Variants in FAT3 observed in about 807,000 individuals in gnomAD.
FAT3 encodes FAT atypical cadherin 3, also known as protocadherin Fat 3.
In FAT3, 95 loss-of-function variants were observed where a neutral mutation model predicts 310.2. The ratio of observed to expected loss-of-function variants is 0.31; its 90% CI spans 0.26 to 0.36. The LOEUF is 0.36. Among genes scored for constraint, FAT3 ranks in the 10% least tolerant of loss-of-function variants. The probability of loss-of-function intolerance (pLI) is 1.00; values close to 1 mark genes in which losing one functional copy is unlikely to be tolerated. For synonymous variants in FAT3, 2,314 were observed against 2,192.9 expected, an observed-to-expected ratio of 1.06 and a Z score of -1.54; for missense variants, 5,408 against 5,715.6, an observed-to-expected ratio of 0.95 and a Z score of 1.74.
At chr11:92,336,773 T>C (rs1198430868) in intron 1 of FAT3, among the ~76,000 whole-genome samples, 1 of 152,182 alleles carries the variant, frequency 6.6e-6, no homozygotes, top group Non-Finnish European at 1.5e-5. Context: ...CTTGATGGTC[T>C]GGTAGTGAAA....
chr11:92,251,308 C>A (rs942243446), intron 1 of FAT3, among the ~76,000 whole-genome samples: 2 of 152,090 alleles, frequency 1.3e-5, no homozygotes, highest in Non-Finnish European at 2.9e-5. Flanking sequence ...AGTGATAGAA[C>A]CTAAATGTGT....
chr11:92,373,661 G>A (rs572359590), intron 2 of FAT3, among the ~76,000 whole-genome samples: 39 of 152,020 alleles, frequency 2.6e-4, no homozygotes, highest in African/African-American at 8.9e-4. Context: ...TCTAGGCACT[G>A]AGTTAAAAGA....
At chr11:92,549,785 G>T (rs1203962204) in intron 3 of FAT3, among the ~76,000 whole-genome samples, 1 of 152,114 alleles carries the variant, frequency 6.6e-6, no homozygotes, top group Non-Finnish European at 1.5e-5. Context: ...AGGACCCAAG[G>T]CCAGATTCAT....
chr11:92,800,365 T>C lies in FAT3; in HGVS notation c.7352T>C (p.Ile2451Thr), dbSNP rs756948455. 1.9e-6 allele frequency: 3 copies of C among 1,613,998 alleles called. No homozygotes were observed. Among genetic ancestry groups the C allele is most frequent in the Non-Finnish European group, 2.5e-6 (3 of 1,179,876 alleles). The change falls in exon 10 of 28, where the codon ATC (isoleucine) becomes ACC (threonine). Residue 2451 changes from isoleucine to threonine, a missense_variant. Physicochemically the swap from Ile to Thr is moderately conservative, Grantham distance 89 (BLOSUM62 -1). This residue lies in a region of FAT3 where 4,588 missense variants were observed against 4,809.8 expected (regional missense o/e 0.95). Transcript: ENST00000525166. ...SFLMDSKSGV[I>T]TLSNHRKQRM... ...CTGATGGACAGCAAGAGTGGAGTTA[T>C]CACATTGTCCAACCATCGGAAGCAG...
At chr11:92,828,178 A>T (rs1371200210) in intron 13 of FAT3, among the ~76,000 whole-genome samples, 5 of 151,972 alleles carry the variant, frequency 3.3e-5, no homozygotes, top group Admixed American at 3.3e-4. Flanking sequence ...GATGGCATTT[A>T]TCAAATCCCT....
chr11:92,639,400 G>C (rs1941878066), intron 3 of FAT3, among the ~76,000 whole-genome samples: 1 of 152,122 alleles, frequency 6.6e-6, no homozygotes, highest in Non-Finnish European at 1.5e-5. Context: ...CCATAGTTCA[G>C]GGAGCATCAC....
intron 2 of FAT3, among the ~76,000 whole-genome samples, chr11:92,447,998 G>A (rs1351526744): frequency 6.6e-6 from 1 of 152,102 alleles, no homozygotes; most frequent in Non-Finnish European, 1.5e-5. Flanking sequence ...ACCTGGGAAA[G>A]GTGGCAGAGT....
intron 4 of FAT3, among the ~76,000 whole-genome samples, chr11:92,731,084 A>G (rs1166006436): frequency 2.0e-5 from 3 of 152,168 alleles, no homozygotes; most frequent in Non-Finnish European, 2.9e-5. Flanking sequence ...TTGTGGTGCT[A>G]TTAGAATGTC....
chr11:92,884,155 A>C (rs1226723140), intron 24 of FAT3, among the ~76,000 whole-genome samples: 2 of 152,176 alleles, frequency 1.3e-5, no homozygotes, highest in Non-Finnish European at 2.9e-5. Context: ...GGTGGGAAGG[A>C]GCTTGGTGTG....
chr11:92,496,243 C>T (rs889323175), intron 2 of FAT3, among the ~76,000 whole-genome samples: 2 of 151,932 alleles, frequency 1.3e-5, no homozygotes, highest in African/African-American at 4.8e-5. Flanking sequence ...AGATTTTGCT[C>T]AATTCTACCC....
intron 1 of FAT3, among the ~76,000 whole-genome samples, chr11:92,294,589 AAAGAGGACAGCCATC>A (rs1301228128): frequency 6.6e-6 from 1 of 152,036 alleles, no homozygotes; most frequent in African/African-American, 2.4e-5. Context: ...GTCATGCAGA[AAAGAGGACAGCCATC>A]AAGAGTTCAT....
intron 3 of FAT3, among the ~76,000 whole-genome samples, chr11:92,646,576 A>G (rs570748396): frequency 2.0e-5 from 3 of 152,330 alleles, no homozygotes; most frequent in East Asian, 1.9e-4. Flanking sequence ...CTCTAAAACA[A>G]TGTTTAAACA....
At chr11:92,540,462 A>G (rs530930428) in intron 3 of FAT3, among the ~76,000 whole-genome samples, 2 of 152,318 alleles carry the variant, frequency 1.3e-5, no homozygotes, top group South Asian at 4.1e-4. Context: ...ATTGTTGTAA[A>G]AAAGCTATTT....
chr11:92,558,830 G>A (rs1252858706), intron 3 of FAT3, among the ~76,000 whole-genome samples: 1 of 152,062 alleles, frequency 6.6e-6, no homozygotes, highest in African/African-American at 2.4e-5. Context: ...ATTCACCTCT[G>A]AGCCCCATTC....
At chr11:92,786,022 C>T (rs981049050) in intron 7 of FAT3, among the ~76,000 whole-genome samples, 1 of 152,028 alleles carries the variant, frequency 6.6e-6, no homozygotes, top group Non-Finnish European at 1.5e-5. Flanking sequence ...AATATGCTAA[C>T]TGCATGTGTA....
rs2134647731 is a variant in FAT3, at chr11:92,355,271, G to A, written c.3159G>A (p.Lys1053=). ...FPDFAVVGSV[K]ENSRIGTSVL... The stretch of plus-strand genomic sequence containing the variant: ...ACTTTGCTGTTGTTGGATCTGTAAA[G>A]GAAAACTCACGCATTGGAACAAGCG... The change falls in exon 2 of 28, where the codon AAG becomes AAA. Residue 1053 remains lysine, a synonymous_variant. Transcript: ENST00000525166. The A allele has an allele frequency of 6.2e-7, 1 of 1,613,830 alleles. No homozygotes were observed. Among genetic ancestry groups the A allele is most frequent in the African/African-American group, 1.3e-5 (1 of 75,016 alleles).
In FAT3 at chr11:92,886,990, G is replaced by A. The variant is rs1439144762; in HGVS notation, c.12938-10G>A. On this transcript the variant is annotated splice_polypyrimidine_tract_variant and intron_variant, in intron 24 of 27. Transcript: ENST00000525166. Reference sequence around the variant, plus strand: ...TGTAATTTCTGCTTTCTCTTTCACTGTCCATGAAGACAAAGGGGTTGATGA... The same window carrying A: ...TGTAATTTCTGCTTTCTCTTTCACTATCCATGAAGACAAAGGGGTTGATGA... 5.0e-6 allele frequency: 8 copies of A among 1,588,922 alleles called. No individual in the cohort carries two copies. The African/African-American group carries it at 9.4e-5, about 19-fold the overall frequency.
At chr11:92,557,789 G>T (rs1440939977) in intron 3 of FAT3, among the ~76,000 whole-genome samples, 3 of 152,182 alleles carry the variant, frequency 2.0e-5, no homozygotes, top group Non-Finnish European at 4.4e-5. Context: ...GTCTTAAAAT[G>T]TCCTGAAATC....
In FAT3 at chr11:92,776,146, C is replaced by T. The variant is rs185479231; in HGVS notation, c.4335+1966C>T. ...GTAAAATACAAATAAAGCATGAAAC[C>T]GTATTCATTTCCAGACTTTTCTCCA... On this transcript the variant is annotated intron_variant, in intron 7 of 27. Coordinates refer to ENST00000525166, the MANE Select transcript of FAT3 (RefSeq NM_001367949.2). Among the ~76,000 whole-genome samples, 24 of 152,212 alleles carry T rather than the reference C, an allele frequency of 1.6e-4. No homozygotes were observed. The East Asian group carries it at 3.3e-3, about 21-fold the overall frequency.
Sources: gnomAD v4.1 joint callset for allele counts (sites outside exome capture counted in the v4.1 genomes callset) on GRCh38, gnomAD v4.1.1 for gene constraint, gnomAD v4.1.1 regional missense constraint, MANE v1.5 for transcripts, NCBI Gene and HGNC (gene_info 2026-07-23, HGNC 2026-07-21) for gene names.